Variants in FYN observed in about 807,000 individuals in gnomAD.
The protein encoded by FYN is FYN proto-oncogene, Src family tyrosine kinase, also known as tyrosine-protein kinase Fyn.
Under a neutral mutation model 70.2 loss-of-function variants are expected in FYN, and 10 were observed. That is an observed-to-expected ratio of 0.14 (90% confidence interval 0.09 to 0.24). The LOEUF is 0.24. Among genes scored for constraint, FYN ranks in the 10% least tolerant of loss-of-function variants. FYN has a pLI of 1.00. For missense variants in FYN, 319 were observed against 673.1 expected, an observed-to-expected ratio of 0.47 and a Z score of 5.82; for synonymous variants, 236 against 248.6, an observed-to-expected ratio of 0.95 and a Z score of 0.48.
At position 111,661,061 on chromosome 6, in the gene FYN, T is replaced by C. The variant is rs1258175747; in HGVS notation, c.*678A>G. On this transcript the variant is annotated 3_prime_UTR_variant, in exon 14 of 14. Transcript: ENST00000354650. This position sits in a 1 kb window ranked among gnomAD's most constrained non-coding sequence, Gnocchi z 4.0. ...AGTGCAATCCAAATGAAAAAATTCA[T>C]GCTTTGCAAAAGCCAAAAATGAGGC... 1 of 152,190 alleles carries C rather than the reference T, an allele frequency of 6.6e-6. No individual in the cohort carries two copies. Among genetic ancestry groups the C allele is most frequent in the African/African-American group, 2.4e-5 (1 of 41,432 alleles). 9.4% of individuals were successfully genotyped at this position (152,190 alleles called of 1,614,324 possible). A position where few individuals can be genotyped will look rare whatever the true frequency, so the allele number is the denominator to read the frequency against.
chr6:111,806,295 T>A (rs1772145023), intron 2 of FYN, among the ~76,000 whole-genome samples: 1 of 151,978 alleles, frequency 6.6e-6, no homozygotes, highest in Admixed American at 6.6e-5. Flanking sequence ...CCAGAGCACA[T>A]CAGTCTAGAT....
intron 2 of FYN, among the ~76,000 whole-genome samples, chr6:111,825,250 C>T (rs1200740894): frequency 6.6e-6 from 1 of 152,202 alleles, no homozygotes; most frequent in African/African-American, 2.4e-5. Flanking sequence ...CTTTCAAGAT[C>T]TTAGCTGAAA....
At chr6:111,812,103 T>G (rs954637100) in intron 2 of FYN, among the ~76,000 whole-genome samples, 1 of 152,184 alleles carries the variant, frequency 6.6e-6, no homozygotes, top group Non-Finnish European at 1.5e-5. Context: ...TAAAGAGCCT[T>G]GTACATCCTT....
chr6:111,762,930 CTG>C (rs1384956946), intron 3 of FYN, among the ~76,000 whole-genome samples: 1 of 152,198 alleles, frequency 6.6e-6, no homozygotes, highest in Non-Finnish European at 1.5e-5. Flanking sequence ...TTCTGTGACT[CTG>C]ACTCCTTTGA....
chr6:111,763,684 A>C (rs1803096477), intron 3 of FYN, among the ~76,000 whole-genome samples: 1 of 152,230 alleles, frequency 6.6e-6, no homozygotes, highest in South Asian at 2.1e-4. Flanking sequence ...ATAGCTATGC[A>C]TCTATTCATG....
rs866952688 is a variant in FYN, at chr6:111,741,756, C to T, written c.-11-21694G>A. Among the ~76,000 whole-genome samples the T allele has an allele frequency of 5.3e-5, 8 of 152,158 alleles. No homozygotes were observed. The South Asian group carries it at 1.0e-3, about 20-fold the overall frequency. ...TATTTTTCACTACACTAGTGGTTTT[C>T]GAACTTTATGAGCATGAGAATTTCC... is the stretch of plus-strand genomic sequence containing the variant. On this transcript the variant is annotated intron_variant, in intron 3 of 13. Coordinates refer to ENST00000354650, the MANE Select transcript of FYN (RefSeq NM_002037.5).
chr6:111,684,686 C>T (rs1399458866), intron 12 of FYN, among the ~76,000 whole-genome samples: 4 of 152,158 alleles, frequency 2.6e-5, no homozygotes, highest in African/African-American at 7.2e-5. Flanking sequence ...CTCCTTGCAA[C>T]GGTGACCAAT....
intron 3 of FYN, among the ~76,000 whole-genome samples, chr6:111,735,010 T>G (rs1479414782): frequency 1.3e-5 from 2 of 152,140 alleles, no homozygotes; most frequent in Non-Finnish European, 2.9e-5. Context: ...GAGTTCTAAT[T>G]CATCCAGGTC....
At chr6:111,824,322 A>G (rs955362049) in intron 2 of FYN, among the ~76,000 whole-genome samples, 1 of 152,184 alleles carries the variant, frequency 6.6e-6, no homozygotes, top group Non-Finnish European at 1.5e-5. Flanking sequence ...GATGGTAAAT[A>G]TTAGTGCCTC....
intron 5 of FYN, among the ~76,000 whole-genome samples, chr6:111,710,707 C>G (rs1304004377): frequency 6.6e-6 from 1 of 152,116 alleles, no homozygotes. Flanking sequence ...AGCCGTTGAG[C>G]GAGTGAATTA....
At chr6:111,715,785 C>A (rs1800612319) in intron 4 of FYN, among the ~76,000 whole-genome samples, 2 of 152,126 alleles carry the variant, frequency 1.3e-5, no homozygotes, top group Admixed American at 1.3e-4. Context: ...TTCTGAAGGA[C>A]CGAACTGACC....
chr6:111,777,041 G>A lies in FYN; in HGVS notation c.-12+3525C>T, dbSNP rs185584275. On this transcript the variant is annotated intron_variant, in intron 3 of 13. Transcript: ENST00000354650. ...AAAGACTAGCCCAGACTGAAATACC[G>A]TTTAATCTTAGAGGTCATCAAATGA... Among the ~76,000 whole-genome samples, 30 of 152,284 alleles carry A rather than the reference G, an allele frequency of 2.0e-4. 1 individual carries two copies. The East Asian group carries it at 4.2e-3, about 22-fold the overall frequency.
At chr6:111,697,769 T>C (rs554865111) in intron 9 of FYN, among the ~76,000 whole-genome samples, 1 of 152,370 alleles carries the variant, frequency 6.6e-6, no homozygotes, top group Non-Finnish European at 1.5e-5. Context: ...GTCTTGTGTT[T>C]ATTGGAAAAC....
chr6:111,728,922 T>C (rs1341763421), intron 3 of FYN, among the ~76,000 whole-genome samples: 1 of 152,172 alleles, frequency 6.6e-6, no homozygotes, highest in Non-Finnish European at 1.5e-5. Flanking sequence ...GAAACATATA[T>C]TGGCAACAAA....
intron 4 of FYN, among the ~76,000 whole-genome samples, chr6:111,715,573 C>T (rs1800598298): frequency 6.6e-6 from 1 of 152,142 alleles, no homozygotes; most frequent in Admixed American, 6.5e-5. Context: ...TCTATTGCCA[C>T]TTCAGCTTGT....
At chr6:111,809,178 C>T (rs1473520189) in intron 2 of FYN, among the ~76,000 whole-genome samples, 2 of 152,180 alleles carry the variant, frequency 1.3e-5, no homozygotes, top group African/African-American at 4.8e-5. Context: ...GTTTTACCTC[C>T]ATCTTGGCAA....
intron 3 of FYN, among the ~76,000 whole-genome samples, chr6:111,773,957 A>C (rs560274585): frequency 6.6e-6 from 1 of 152,362 alleles, no homozygotes; most frequent in African/African-American, 2.4e-5. Context: ...TATGACGTTT[A>C]AGATAACAAA....
At chr6:111,859,053 C>T (rs558561919) in intron 1 of FYN, among the ~76,000 whole-genome samples, 5 of 152,162 alleles carry the variant, frequency 3.3e-5, no homozygotes, top group African/African-American at 1.2e-4. Flanking sequence ...TTGGAACTCT[C>T]CACTTCCCTG....
chr6:111,791,808 G>C (rs1009835688), intron 2 of FYN, among the ~76,000 whole-genome samples: 2 of 152,188 alleles, frequency 1.3e-5, no homozygotes, highest in African/African-American at 4.8e-5. Context: ...TGTTATAATA[G>C]CCTAGGAAAT....
Sources: allele counts gnomAD v4.1 joint callset (sites outside exome capture counted in the v4.1 genomes callset), GRCh38; gene constraint gnomAD v4.1.1; non-coding constraint Gnocchi (gnomAD v3.1); transcripts MANE v1.5; gene names NCBI Gene and HGNC (gene_info 2026-07-23, HGNC 2026-07-21).